SIRT5: variants seen among roughly 807,000 people sequenced by gnomAD.
SIRT5 encodes the protein NAD-dependent protein deacylase sirtuin-5, mitochondrial.
In SIRT5, 26 loss-of-function variants were observed where a neutral mutation model predicts 40.0. The ratio of observed to expected loss-of-function variants is 0.65; its 90% CI spans 0.48 to 0.90. SIRT5 has a LOEUF of 0.90. Ranked by LOEUF, SIRT5 falls within the 40% of genes least tolerant of loss-of-function variation. SIRT5 has a pLI of 0.00. For synonymous variants in SIRT5, 146 were observed against 149.1 expected, an observed-to-expected ratio of 0.98 and a Z score of 0.15; for missense variants, 401 against 402.4, an observed-to-expected ratio of 1.00 and a Z score of 0.03.
intron 6 of SIRT5, 38 bp from the exon 7 acceptor site, chr6:13,596,925 C>G (rs780685582): frequency 1.3e-6 from 2 of 1,502,818 alleles, no homozygotes; most frequent in South Asian, 2.4e-5. Context: ...TTTATTATGC[C>G]AATAACAATC....
intron 2 of SIRT5, among the ~76,000 whole-genome samples, chr6:13,583,289 CTT>C (rs765557886): frequency 5.0e-5 from 5 of 100,506 alleles, no homozygotes; most frequent in African/African-American, 1.6e-4. Flanking sequence ...CTTCTTTGTT[CTT>C]TTTTTTTTTT....
intron 9 of SIRT5, among the ~76,000 whole-genome samples, chr6:13,609,655 T>C (rs1282919097): frequency 2.6e-5 from 4 of 152,260 alleles, no homozygotes; most frequent in Non-Finnish European, 2.9e-5. Flanking sequence ...TTTCATTCTT[T>C]ACTGCTATAA....
At position 13,591,799 on chromosome 6, in the gene SIRT5, G is replaced by A. The variant is rs200846116; in HGVS notation, c.380G>A (p.Arg127Gln). The change falls in exon 5 of 10, where the codon CGG becomes CAG. Residue 127 changes from arginine (R) to glutamine (Q), a missense_variant. Transcript: ENST00000606117. Reference protein sequence around the residue: ...GHRAIAECETRLGKQGRRVVV... With the variant: ...GHRAIAECETQLGKQGRRVVV... Reference sequence around the variant, plus strand: ...CGCGCCATAGCCGAGTGTGAGACCCGGCTGGGCAAGCAGGGCCGGCGAGTC... The same window carrying A: ...CGCGCCATAGCCGAGTGTGAGACCCAGCTGGGCAAGCAGGGCCGGCGAGTC... 4.8e-5 allele frequency: 78 copies of A among 1,614,150 alleles called. No homozygotes were observed. In the African/African-American group the frequency reaches 7.1e-4, roughly 15 times the overall value.
rs551418473 is a variant in SIRT5 at position 13,608,411 on chromosome 6, C to T, written c.858-3379C>T. Among the ~76,000 whole-genome samples the T allele has an allele frequency of 2.6e-5, 4 of 152,156 alleles. No individual in the cohort carries two copies. In the South Asian group the frequency reaches 8.3e-4, roughly 32 times the overall value. ...GACCAGCCTGGCCAACATGGCGAAACCCCATCTCTACTAAAAATACAAAAA... is the reference window on the plus strand; with the variant it reads ...GACCAGCCTGGCCAACATGGCGAAATCCCATCTCTACTAAAAATACAAAAA... On this transcript the variant is annotated intron_variant, in intron 9 of 9. Coordinates refer to ENST00000606117, the MANE Select transcript of SIRT5 (RefSeq NM_012241.5).
intron 1 of SIRT5, among the ~76,000 whole-genome samples, chr6:13,578,321 G>A (rs1439908309): frequency 2.6e-5 from 4 of 152,110 alleles, no homozygotes; most frequent in Non-Finnish European, 5.9e-5. Context: ...CCTAAAATGA[G>A]TTTAGAAGTA....
chr6:13,574,300 C>T (rs576141611), upstream of SIRT5, among the ~76,000 whole-genome samples: 4 of 152,232 alleles, frequency 2.6e-5, no homozygotes, highest in East Asian at 7.7e-4. Flanking sequence ...GCGCCCGCCT[C>T]CCGCAGGTGC....
intron 4 of SIRT5, 64 bp from the exon 5 acceptor site, chr6:13,591,605 C>T: frequency 7.3e-7 from 1 of 1,361,356 alleles, no homozygotes; most frequent in Non-Finnish European, 9.9e-7. Flanking sequence ...AGGGCCTGTG[C>T]CCCAGGGTTC....
rs200923030 is a variant in SIRT5, at chr6:13,600,817, G to A, written c.742-17G>A. The A allele has an allele frequency of 6.0e-5, 95 of 1,585,636 alleles. 1 individual carries two copies. Among genetic ancestry groups the A allele is most frequent in the South Asian group, 2.9e-4 (26 of 89,326 alleles). ...GTCGTCTGGCTGTTTGTTCATCTCC[G>A]TGTACTTGCCTTGTAGGTGGGCACT... On this transcript the variant is annotated splice_polypyrimidine_tract_variant and intron_variant, in intron 8 of 9. Coordinates refer to ENST00000606117, the MANE Select transcript of SIRT5 (RefSeq NM_012241.5).
chr6:13,577,478 TTA>T (rs1330214831), intron 1 of SIRT5, among the ~76,000 whole-genome samples: 1 of 151,852 alleles, frequency 6.6e-6, no homozygotes. Flanking sequence ...CCACTGATTT[TTA>T]TATGTGATTT....
chr6:13,601,281 A>G (rs547439289), intron 9 of SIRT5, among the ~76,000 whole-genome samples: 10 of 152,346 alleles, frequency 6.6e-5, no homozygotes, highest in African/African-American at 1.4e-4. Context: ...ATGCTCCGCA[A>G]GTAAGCCTGG....
intron 9 of SIRT5, among the ~76,000 whole-genome samples, chr6:13,610,200 G>A (rs1763650293): frequency 6.6e-6 from 1 of 152,056 alleles, no homozygotes; most frequent in African/African-American, 2.4e-5. Flanking sequence ...TGAACTCCTA[G>A]CCTCAAGCGA....
chr6:13,591,599 C>A (rs1194782479), intron 4 of SIRT5, 70 bp from the exon 5 acceptor site: 7 of 1,303,730 alleles, frequency 5.4e-6, no homozygotes, highest in Non-Finnish European at 7.3e-6. Context: ...GGAGGAAGGG[C>A]CTGTGCCCCA....
chr6:13,600,197 G>A (rs889574486), intron 8 of SIRT5, among the ~76,000 whole-genome samples: 2 of 152,114 alleles, frequency 1.3e-5, no homozygotes, highest in Admixed American at 6.5e-5. Flanking sequence ...TTCTTGACAC[G>A]TCTTTAAAAG....
chr6:13,593,329 G>A (rs370555775), intron 5 of SIRT5, among the ~76,000 whole-genome samples: 1 of 152,138 alleles, frequency 6.6e-6, no homozygotes, highest in Non-Finnish European at 1.5e-5. Flanking sequence ...TAAGGAAAGC[G>A]AGGCACTACT....
intron 1 of SIRT5, among the ~76,000 whole-genome samples, chr6:13,575,950 T>C (rs980383604): frequency 1.3e-5 from 2 of 152,238 alleles, no homozygotes; most frequent in African/African-American, 4.8e-5. Context: ...CCTCATGTCC[T>C]CCAGGTTCAT....
At chr6:13,605,500 A>T in intron 9 of SIRT5, 1 of 985,402 alleles carries the variant, frequency 1.0e-6, no homozygotes, top group Non-Finnish European at 1.2e-6. Flanking sequence ...TATTTTAATA[A>T]GGATTTGGAT....
Position 13,588,470 on chromosome 6 carries a change from T to C in SIRT5, c.249+6T>C. On this transcript the variant is annotated splice_donor_region_variant and intron_variant, in intron 4 of 9. Coordinates refer to ENST00000606117, the MANE Select transcript of SIRT5 (RefSeq NM_012241.5). ...GGAGAAAATGGCAAGCCCAGGTTTG[T>C]AAAGTTTCCAGAACATTAAAAGCCT... is the stretch of plus-strand genomic sequence containing the variant. 1 of 1,612,608 alleles carries C rather than the reference T, an allele frequency of 6.2e-7. No homozygotes were observed.
At chr6:13,593,048 G>A (rs976887031) in intron 5 of SIRT5, among the ~76,000 whole-genome samples, 3 of 151,720 alleles carry the variant, frequency 2.0e-5, no homozygotes, top group Admixed American at 2.0e-4. Flanking sequence ...AGAGTAGCTG[G>A]GACTACAGGC....
intron 5 of SIRT5, 117 bp from the exon 6 acceptor site, chr6:13,595,360 T>G: frequency 2.5e-6 from 2 of 785,880 alleles, no homozygotes; most frequent in Non-Finnish European, 4.3e-6. Flanking sequence ...GGTAACTGGG[T>G]GAGACCAAAA....
Sources: allele counts gnomAD v4.1 joint callset (sites outside exome capture counted in the v4.1 genomes callset), GRCh38; gene constraint gnomAD v4.1.1; transcripts MANE v1.5; gene names NCBI Gene and HGNC (gene_info 2026-07-23, HGNC 2026-07-21).